Variants in LGALS4 observed in about 807,000 individuals in gnomAD.
The protein encoded by LGALS4 is galectin-4.
A neutral mutation model predicts 39.6 loss-of-function variants in LGALS4; 37 were observed. The ratio of observed to expected loss-of-function variants is 0.93; its 90% CI spans 0.72 to 1.23. The LOEUF is 1.23. Ranked by LOEUF, LGALS4 falls within the 50% of genes most tolerant of loss-of-function variation. The pLI is 0.00. For synonymous variants in LGALS4, 160 were observed against 165.5 expected (o/e 0.97, Z 0.25); for missense variants, 397 against 433.2 (o/e 0.92, Z 0.74).
chr19:38,802,859 G>T (rs771811524), intron 7 of LGALS4, among the ~76,000 whole-genome samples: 126 of 151,958 alleles, frequency 8.3e-4, no homozygotes, highest in South Asian at 1.7e-3. Flanking sequence ...TGTCATTTTA[G>T]TAGAGACGGG....
intron 2 of LGALS4, among the ~76,000 whole-genome samples, chr19:38,809,686 C>T (rs1186245425): frequency 8.1e-6 from 1 of 123,350 alleles, no homozygotes; most frequent in African/African-American, 3.0e-5. Flanking sequence ...GATGGGGTCT[C>T]ACTATGTTGC....
At chr19:38,803,299 G>A (rs949431715) in intron 7 of LGALS4, 14 of 600,158 alleles carry the variant, frequency 2.3e-5, no homozygotes, top group South Asian at 2.2e-4. Context: ...TTACAGGCGT[G>A]AGCCACCATG....
intron 4 of LGALS4, among the ~76,000 whole-genome samples, chr19:38,804,832 C>CA: frequency 6.6e-6 from 1 of 151,056 alleles, no homozygotes; most frequent in South Asian, 2.1e-4. Flanking sequence ...AAAAAAAAAA[C>CA]AAAAAACAAA....
chr19:38,812,087 T>A (rs1971500551), intron 2 of LGALS4, among the ~76,000 whole-genome samples: 1 of 152,234 alleles, frequency 6.6e-6, no homozygotes, highest in East Asian at 1.9e-4. Context: ...TATAGTCACT[T>A]TCACTCTTTC....
chr19:38,801,745 T>C lies in LGALS4; in HGVS notation c.*19A>G, dbSNP rs555313734. ...GGGGATAATTCTGTTTTCCCATGAG[T>C]TATGGCCCCAGGAATAGATTAGATC... On this transcript the variant is annotated 3_prime_UTR_variant, in exon 10 of 10. Transcript: ENST00000307751. 2.5e-6 allele frequency: 4 copies of C among 1,613,366 alleles called. No individual in the cohort carries two copies. In the South Asian group the frequency reaches 4.4e-5, roughly 18 times the overall value.
At chr19:38,803,980 G>T in intron 4 of LGALS4, 85 bp from the exon 5 acceptor site, 1 of 1,436,098 alleles carries the variant, frequency 7.0e-7, no homozygotes, top group Non-Finnish European at 9.6e-7. Flanking sequence ...CCCTGGGGTG[G>T]CCCACCACCA....
At chr19:38,805,208 T>TAAA (rs143505798) in intron 4 of LGALS4, among the ~76,000 whole-genome samples, 9,246 of 148,210 alleles carry the variant, frequency 0.062, 328 homozygotes, top group African/African-American at 0.09. Flanking sequence ...ATAATAATAA[T>TAAA]ATTGATAAAC....
chr19:38,802,653 C>A (rs533231798), intron 7 of LGALS4, among the ~76,000 whole-genome samples: 16 of 151,568 alleles, frequency 1.1e-4, no homozygotes, highest in African/African-American at 3.9e-4. Flanking sequence ...AGCCACCACG[C>A]CCAGCCTTGC....
Position 38,806,506 on chromosome 19 carries a change from TTG to T in LGALS4, c.427_428del (p.Gln143ThrfsTer95). ...CTCCGATGAAGTTGATTGATTGAAG[TTG>T]CAGATCCCCATCCACTTGCAGGTGG... ...VTHLQVDGDL[Q>X]LQSINFIGGQ... On this transcript the variant is annotated frameshift_variant, in exon 4 of 10. Coordinates refer to ENST00000307751, the MANE Select transcript of LGALS4 (RefSeq NM_006149.4). LOFTEE classifies it high-confidence loss of function. The T allele has an allele frequency of 3.1e-6, 5 of 1,614,126 alleles. No homozygotes were observed. Among genetic ancestry groups the T allele is most frequent in the Non-Finnish European group, 4.2e-6 (5 of 1,180,006 alleles).
intron 5 of LGALS4, 38 bp downstream of exon 5, chr19:38,803,831 C>T: frequency 6.2e-7 from 1 of 1,613,002 alleles, no homozygotes; most frequent in Non-Finnish European, 8.5e-7. Flanking sequence ...AGGGACCCCA[C>T]TAGGGAGGAA....
rs758800866 is a variant in LGALS4 at position 38,802,299 on chromosome 19, C to T, written c.659+17G>A. ...GGGAGGAGGGGGCTGGGGGTTCCCA[C>T]CTAGTTTACGTTATACCTCTTGCCT... On this transcript the variant is annotated intron_variant, in intron 8 of 9. Transcript: ENST00000307751. The T allele has an allele frequency of 5.0e-6, 8 of 1,612,278 alleles. No homozygotes were observed. Among genetic ancestry groups the T allele is most frequent in the East Asian group, 4.5e-5 (2 of 44,866 alleles).
Position 38,806,553 on chromosome 19 carries a change from G to T in LGALS4, c.382C>A (p.Leu128Ile). The T allele has an allele frequency of 1.2e-6, 2 of 1,614,084 alleles. No individual in the cohort carries two copies. The highest frequency in any genetic ancestry group is 1.7e-6 in the Non-Finnish European group (2 of 1,179,978). The stretch of plus-strand genomic sequence containing the variant: ...AGGTGGGTGACCATCTGTAGGGGAA[G>T]CCGGTGCCCGTACTCATAGAAGGGA... The part of the protein sequence containing the change: ...GNPFYEYGHR[L>I]PLQMVTHLQV... Residue 128 changes from leucine to isoleucine, a missense_variant, in exon 4 of 10, where the codon CTT becomes ATT. Coordinates refer to ENST00000307751, the MANE Select transcript of LGALS4 (RefSeq NM_006149.4).
chr19:38,803,986 C>A, intron 4 of LGALS4, 91 bp from the exon 5 acceptor site: 1 of 1,332,768 alleles, frequency 7.5e-7, no homozygotes, highest in South Asian at 1.3e-5. Flanking sequence ...GGTGGCCCAC[C>A]ACCACCACCA....
intron 7 of LGALS4, 52 bp from the exon 8 acceptor site, chr19:38,802,456 A>C: frequency 7.3e-7 from 1 of 1,365,084 alleles, no homozygotes; most frequent in Non-Finnish European, 1.0e-6. Context: ...GCAGAGCCAG[A>C]TGTGGGAAGA....
intron 6 of LGALS4, 40 bp downstream of exon 6, chr19:38,803,702 C>G (rs1228370549): frequency 6.2e-7 from 1 of 1,608,086 alleles, no homozygotes; most frequent in East Asian, 2.2e-5. Flanking sequence ...TCTCACCATT[C>G]CCACTCCTCA....
In LGALS4 at chr19:38,803,536, G is replaced by A. The variant is rs763552943; in HGVS notation, c.556C>T (p.Pro186Ser). ...LNSLPTMEGP[P>S]TFNPPVPYFG... is the part of the protein sequence containing the mutation. ...CCAAGCCATACCGGGTTGAAGGTTG[G>A]GGGTCCTTCCATGGTCTGTGAAGTG... Residue 186 changes from proline to serine, a missense_variant, in exon 7 of 10, where the codon CCA becomes TCA. Pro to Ser is a moderately conservative substitution (Grantham distance 74, BLOSUM62 -1). Transcript: ENST00000307751. 14 of 1,613,968 alleles carry A rather than the reference G, an allele frequency of 8.7e-6. No homozygotes were observed. Among genetic ancestry groups the A allele is most frequent in the Non-Finnish European group, 8.5e-6 (10 of 1,179,996 alleles).
At chr19:38,803,969 G>T in intron 4 of LGALS4, 74 bp from the exon 5 acceptor site, 1 of 1,496,026 alleles carries the variant, frequency 6.7e-7, no homozygotes. Context: ...GAGAGTGCCT[G>T]CCCTGGGGTG....
chr19:38,802,591 C>G (rs935071846), intron 7 of LGALS4, among the ~76,000 whole-genome samples, 187 bp from the exon 8 acceptor site: 11 of 151,758 alleles, frequency 7.2e-5, no homozygotes, highest in African/African-American at 2.4e-4. Flanking sequence ...AACTGCTGGG[C>G]TCAAGCAATC....
intron 6 of LGALS4, 61 bp from the exon 7 acceptor site, chr19:38,803,612 C>A (rs1169902573): frequency 2.3e-5 from 37 of 1,600,482 alleles, no homozygotes; most frequent in Non-Finnish European, 3.1e-5. Flanking sequence ...TATGACACAC[C>A]CATTAGACTC....
Sources: gnomAD v4.1 joint callset for allele counts (sites outside exome capture counted in the v4.1 genomes callset) on GRCh38, gnomAD v4.1.1 for gene constraint, MANE v1.5 for transcripts, NCBI Gene and HGNC (gene_info 2026-07-23, HGNC 2026-07-21) for gene names.